GAB2: variants seen among roughly 807,000 people sequenced by gnomAD.
GAB2 encodes the protein GRB2 associated binding protein 2.
In GAB2, 26 loss-of-function variants were observed where a neutral mutation model predicts 65.5. The observed-to-expected ratio is 0.40, with a 90% CI of 0.29 to 0.55. The LOEUF is 0.55. GAB2 is among the 20% of genes least tolerant of loss of function. The probability of loss-of-function intolerance (pLI) is 0.53; values close to 1 mark genes in which losing one functional copy is unlikely to be tolerated. For synonymous variants in GAB2, 321 were observed against 329.6 expected (o/e 0.97, Z 0.28); for missense variants, 884 against 875.8 (o/e 1.01, Z -0.12).
At position 78,379,951 on chromosome 11, in the gene GAB2, C is replaced by T. The variant is rs371273856; in HGVS notation, c.75+37695G>A. On this transcript the variant is annotated intron_variant, in intron 1 of 9. Coordinates refer to ENST00000361507, the MANE Select transcript of GAB2 (RefSeq NM_080491.3). ...TTTAAGAAATGTTGCACCATCAATA[C>T]TCTTGATGGCATGCAGGGCAGTTAT... Among the ~76,000 whole-genome samples, 26 of 152,314 alleles carry T rather than the reference C, an allele frequency of 1.7e-4. No individual in the cohort carries two copies. The East Asian group carries it at 2.9e-3, about 17-fold the overall frequency.
At chr11:78,308,299 T>C (rs1443331329) in intron 1 of GAB2, among the ~76,000 whole-genome samples, 1 of 152,072 alleles carries the variant, frequency 6.6e-6, no homozygotes, top group East Asian at 1.9e-4. Context: ...TACGGGAGGC[T>C]GAGGGTGCAG....
intron 2 of GAB2, among the ~76,000 whole-genome samples, chr11:78,274,426 C>T (rs552653405): frequency 1.7e-4 from 26 of 152,320 alleles, no homozygotes; most frequent in African/African-American, 6.3e-4. Context: ...GATACCCCTA[C>T]ACAGAAAACA....
intron 1 of GAB2, among the ~76,000 whole-genome samples, chr11:78,355,653 G>A (rs1295078633): frequency 7.5e-6 from 1 of 133,804 alleles, no homozygotes; most frequent in Non-Finnish European, 1.5e-5. Context: ...CTTCAGCCTG[G>A]GAAACAGAGA....
chr11:78,220,537 C>T, intron 8 of GAB2, 93 bp from the exon 9 acceptor site: 1 of 1,118,296 alleles, frequency 8.9e-7, no homozygotes, highest in East Asian at 2.5e-5. Flanking sequence ...ACACTGTTTC[C>T]CTGAGCCCTA....
At chr11:78,344,194 A>G (rs1022532506) in intron 1 of GAB2, among the ~76,000 whole-genome samples, 11 of 152,234 alleles carry the variant, frequency 7.2e-5, no homozygotes, top group African/African-American at 2.7e-4. Flanking sequence ...TTAACTCAGG[A>G]TTTCAATGAA....
At chr11:78,395,685 A>C (rs1360117727) in intron 1 of GAB2, among the ~76,000 whole-genome samples, 1 of 152,210 alleles carries the variant, frequency 6.6e-6, no homozygotes. Context: ...GACTGGAGAA[A>C]AACACAATTG....
At chr11:78,411,164 G>T (rs745901530) in intron 1 of GAB2, among the ~76,000 whole-genome samples, 4 of 151,028 alleles carry the variant, frequency 2.6e-5, no homozygotes, top group Non-Finnish European at 5.9e-5. Flanking sequence ...GTGGTTGGGG[G>T]GGGGGATGGT....
At chr11:78,265,731 T>C (rs1865857985) in intron 2 of GAB2, among the ~76,000 whole-genome samples, 2 of 152,186 alleles carry the variant, frequency 1.3e-5, no homozygotes, top group Admixed American at 1.3e-4. Flanking sequence ...TTAAAGTACA[T>C]GTTATATGTT....
At chr11:78,270,460 G>C (rs1865980906) in intron 2 of GAB2, among the ~76,000 whole-genome samples, 1 of 152,172 alleles carries the variant, frequency 6.6e-6, no homozygotes, top group Non-Finnish European at 1.5e-5. Context: ...ACAATGGGTT[G>C]GGAAAAGTGA....
intron 1 of GAB2, among the ~76,000 whole-genome samples, chr11:78,404,013 T>C (rs182044620): frequency 5.6e-4 from 86 of 152,252 alleles, no homozygotes; most frequent in Non-Finnish European, 8.4e-4. Flanking sequence ...GGTAGGAATG[T>C]AAATTAGTAC....
rs529969233 is a variant in GAB2, at chr11:78,281,452, T to A, written c.76-551A>T. On this transcript the variant is annotated intron_variant, in intron 1 of 9. Coordinates refer to ENST00000361507, the MANE Select transcript of GAB2 (RefSeq NM_080491.3). The stretch of plus-strand genomic sequence containing the variant: ...TAGAGACAGGGTTTCTCCACATTGG[T>A]CAGGCGGGTCTCGAACTCCCAACCT... Among the ~76,000 whole-genome samples, 35 of 152,174 alleles carry A rather than the reference T, an allele frequency of 2.3e-4. 2 individuals carry two copies. In the South Asian group the frequency reaches 3.1e-3, roughly 14 times the overall value.
At chr11:78,295,956 C>T (rs548306962) in intron 1 of GAB2, among the ~76,000 whole-genome samples, 23 of 152,244 alleles carry the variant, frequency 1.5e-4, no homozygotes, top group African/African-American at 5.3e-4. Flanking sequence ...TTGGCACCAA[C>T]GGCTGGTTTT....
chr11:78,348,423 C>A (rs1279294120), intron 1 of GAB2, among the ~76,000 whole-genome samples: 1 of 152,054 alleles, frequency 6.6e-6, no homozygotes, highest in Admixed American at 6.6e-5. Flanking sequence ...TTTAAATGGG[C>A]AAAAGATTTG....
At chr11:78,395,015 C>G (rs184221711) in intron 1 of GAB2, among the ~76,000 whole-genome samples, 1 of 152,012 alleles carries the variant, frequency 6.6e-6, no homozygotes, top group African/African-American at 2.4e-5. Context: ...CCTTGTCCCT[C>G]GCCCTCTTGC....
intron 1 of GAB2, 76 bp downstream of exon 1, chr11:78,417,570 C>A (rs1857215672): frequency 2.5e-6 from 2 of 796,310 alleles, no homozygotes; most frequent in South Asian, 3.8e-5. Context: ...CCTGCCGCCC[C>A]TCCGGGAGTC....
intron 3 of GAB2, among the ~76,000 whole-genome samples, chr11:78,232,501 T>A (rs1194444812): frequency 6.6e-6 from 1 of 152,238 alleles, no homozygotes; most frequent in Non-Finnish European, 1.5e-5. Flanking sequence ...TTGTCTTGAC[T>A]CTGCCAGTTC....
At position 78,406,718 on chromosome 11, in the gene GAB2, C is replaced by A. The variant is rs572884518; in HGVS notation, c.75+10928G>T. On this transcript the variant is annotated intron_variant, in intron 1 of 9. Coordinates refer to ENST00000361507, the MANE Select transcript of GAB2 (RefSeq NM_080491.3). ...ACTCATTATACAAAGAATGAGGAAG[C>A]TCTCAAATGGAATGAAAAAGACAAT... 2.6e-5 allele frequency among the ~76,000 whole-genome samples: 4 copies of A among 152,242 alleles called. No individual in the cohort carries two copies. In the East Asian group the frequency reaches 7.7e-4, roughly 29 times the overall value.
At chr11:78,310,462 A>G (rs1278596510) in intron 1 of GAB2, among the ~76,000 whole-genome samples, 3 of 150,610 alleles carry the variant, frequency 2.0e-5, no homozygotes, top group East Asian at 1.9e-4. Flanking sequence ...GCAGTGAGCC[A>G]AGATCGTGCC....
At chr11:78,331,314 C>T (rs903417932) in intron 1 of GAB2, among the ~76,000 whole-genome samples, 11 of 149,704 alleles carry the variant, frequency 7.3e-5, no homozygotes, top group Non-Finnish European at 1.2e-4. Context: ...GGCACAATCT[C>T]GGCTCACTGC....
Sources: gnomAD v4.1 joint callset for allele counts (sites outside exome capture counted in the v4.1 genomes callset) on GRCh38, gnomAD v4.1.1 for gene constraint, MANE v1.5 for transcripts, NCBI Gene and HGNC (gene_info 2026-07-23, HGNC 2026-07-21) for gene names.